The following ARHGEF3 variants were observed in gnomAD, a reference collection of about 807,000 sequenced individuals.
ARHGEF3 encodes the protein Rho guanine nucleotide exchange factor 3.
ARHGEF3 carries 28 observed loss-of-function variants against 63.2 expected under a neutral mutation model. The observed-to-expected ratio is 0.44, with a 90% CI of 0.33 to 0.61. The LOEUF (loss-of-function observed/expected upper bound fraction) is 0.61. Ranked by LOEUF, ARHGEF3 falls within the 20% of genes least tolerant of loss-of-function variation. ARHGEF3 has a pLI of 0.03. For missense variants in ARHGEF3, 533 were observed against 659.3 expected, an observed-to-expected ratio of 0.81 and a Z score of 2.10; for synonymous variants, 266 against 254.2, an observed-to-expected ratio of 1.05 and a Z score of -0.44.
chr3:56,846,710 A>G (rs1215887713), intron 4 of ARHGEF3, among the ~76,000 whole-genome samples: 1 of 152,000 alleles, frequency 6.6e-6, no homozygotes, highest in Non-Finnish European at 1.5e-5. Context: ...CTTTTTTCCC[A>G]TATAATTACC....
intron 3 of ARHGEF3, among the ~76,000 whole-genome samples, chr3:56,948,037 A>C (rs1226492876): frequency 2.0e-5 from 3 of 152,228 alleles, no homozygotes; most frequent in African/African-American, 7.2e-5. Flanking sequence ...TACTGGGTAC[A>C]TAACGAAATG....
chr3:56,792,201 A>T lies in ARHGEF3; in HGVS notation c.96+9502T>A, dbSNP rs138685471. Among the ~76,000 whole-genome samples the T allele has an allele frequency of 3.9e-5, 6 of 152,324 alleles. No individual in the cohort carries two copies. In the East Asian group the frequency reaches 1.2e-3, roughly 29 times the overall value. ...GCATTGCTCTAGATTTATTGAGCAC[A>T]ATGAAAAAGGAGGAAGGTGTCTTGA... On this transcript the variant is annotated intron_variant, in intron 1 of 9. Coordinates refer to ENST00000296315, the MANE Select transcript of ARHGEF3 (RefSeq NM_019555.3).
chr3:56,941,775 T>C (rs893578807), intron 3 of ARHGEF3, among the ~76,000 whole-genome samples: 1 of 152,248 alleles, frequency 6.6e-6, no homozygotes, highest in African/African-American at 2.4e-5. Context: ...CTTCTTTCTA[T>C]GTATATATTA....
chr3:57,052,953 T>A (rs181044544), intron 1 of ARHGEF3, among the ~76,000 whole-genome samples: 1 of 152,214 alleles, frequency 6.6e-6, no homozygotes, highest in East Asian at 1.9e-4. Flanking sequence ...AGGCTTTAAT[T>A]TGCCGTGGAG....
chr3:56,835,235 G>A (rs1265087312), intron 4 of ARHGEF3, among the ~76,000 whole-genome samples: 1 of 152,134 alleles, frequency 6.6e-6, no homozygotes, highest in East Asian at 1.9e-4. Flanking sequence ...GAGTGCAATG[G>A]TGTGATCTCG....
At chr3:56,850,187 C>G (rs762258650) in intron 4 of ARHGEF3, among the ~76,000 whole-genome samples, 6 of 152,282 alleles carry the variant, frequency 3.9e-5, no homozygotes, top group Admixed American at 1.3e-4. Flanking sequence ...AAAATATCAG[C>G]AGTCCCCATC....
intron 3 of ARHGEF3, among the ~76,000 whole-genome samples, chr3:56,944,729 C>T (rs1247722048): frequency 6.6e-6 from 1 of 151,804 alleles, no homozygotes; most frequent in Non-Finnish European, 1.5e-5. Flanking sequence ...GGCACCTGCG[C>T]AACCATGTCC....
intron 4 of ARHGEF3, among the ~76,000 whole-genome samples, chr3:56,878,655 C>T (rs1452877726): frequency 3.9e-5 from 6 of 152,196 alleles, no homozygotes; most frequent in Non-Finnish European, 8.8e-5. Context: ...TGAAATCACA[C>T]ATCAATTTTG....
At chr3:56,959,761 T>C (rs1367509757) in intron 2 of ARHGEF3, among the ~76,000 whole-genome samples, 1 of 152,134 alleles carries the variant, frequency 6.6e-6, no homozygotes, top group Non-Finnish European at 1.5e-5. Context: ...GCAGATCACT[T>C]GAGGTCAGGA....
intron 1 of ARHGEF3, among the ~76,000 whole-genome samples, chr3:56,796,827 CTG>C (rs890893449): frequency 1.3e-5 from 2 of 152,162 alleles, no homozygotes; most frequent in Non-Finnish European, 2.9e-5. Flanking sequence ...TGTTCTGAGC[CTG>C]TTTCTTCTTC....
At chr3:56,957,305 T>G (rs1700086393) in intron 3 of ARHGEF3, among the ~76,000 whole-genome samples, 1 of 152,194 alleles carries the variant, frequency 6.6e-6, no homozygotes, top group Admixed American at 6.5e-5. Flanking sequence ...AGAAAATGAC[T>G]GAGATCTATA....
chr3:57,021,858 C>A (rs1352624301), intron 2 of ARHGEF3, among the ~76,000 whole-genome samples: 1 of 151,920 alleles, frequency 6.6e-6, no homozygotes, highest in Non-Finnish European at 1.5e-5. Flanking sequence ...TATTAATTTG[C>A]AGATGATACA....
intron 4 of ARHGEF3, among the ~76,000 whole-genome samples, chr3:56,868,722 T>C (rs1362979675): frequency 6.6e-6 from 1 of 152,156 alleles, no homozygotes; most frequent in Non-Finnish European, 1.5e-5. Context: ...TAGTAAAATT[T>C]CTTTCAAAAC....
At chr3:56,956,589 G>A (rs1700053790) in intron 3 of ARHGEF3, among the ~76,000 whole-genome samples, 1 of 152,168 alleles carries the variant, frequency 6.6e-6, no homozygotes, top group Non-Finnish European at 1.5e-5. Flanking sequence ...GCCATAGGTG[G>A]GGTAATCAAT....
chr3:56,859,263 G>A (rs1470856647), intron 4 of ARHGEF3, among the ~76,000 whole-genome samples: 2 of 151,740 alleles, frequency 1.3e-5, no homozygotes, highest in Non-Finnish European at 2.9e-5. Flanking sequence ...TCAGCCTCCC[G>A]AGTAGCTGGG....
chr3:56,770,229 T>A (rs12054242), intron 2 of ARHGEF3, among the ~76,000 whole-genome samples: 50,501 of 151,760 alleles, frequency 0.33, 9,490 homozygotes, highest in Middle Eastern at 0.56. Flanking sequence ...CTGGCCAACA[T>A]GGCGAAACCG....
intron 2 of ARHGEF3, among the ~76,000 whole-genome samples, chr3:56,771,937 C>T (rs1391736413): frequency 2.6e-5 from 4 of 152,156 alleles, no homozygotes; most frequent in South Asian, 2.1e-4. Context: ...ACCAGATGTG[C>T]GGGACTAGGG....
intron 4 of ARHGEF3, among the ~76,000 whole-genome samples, chr3:56,872,518 T>TG (rs1157990610): frequency 6.6e-6 from 1 of 151,434 alleles, no homozygotes. Flanking sequence ...TATACTTTTT[T>TG]TTTTTTTTTT....
At chr3:56,953,458 T>C (rs954285865) in intron 3 of ARHGEF3, among the ~76,000 whole-genome samples, 1 of 152,182 alleles carries the variant, frequency 6.6e-6, no homozygotes, top group Non-Finnish European at 1.5e-5. Flanking sequence ...CTCCATTATT[T>C]TCTGGCTGTC....
Sources: gnomAD v4.1 joint callset for allele counts (sites outside exome capture counted in the v4.1 genomes callset) on GRCh38, gnomAD v4.1.1 for gene constraint, MANE v1.5 for transcripts, NCBI Gene and HGNC (gene_info 2026-07-23, HGNC 2026-07-21) for gene names.